The following ZNF469 variants were observed in gnomAD, a reference collection of about 807,000 sequenced individuals.
ZNF469 encodes the protein zinc finger protein 469.
A neutral mutation model predicts 1.0 loss-of-function variants in ZNF469; 1 was observed. The ratio of observed to expected loss-of-function variants is 1.00; its 90% CI spans 0.35 to 4.73. The LOEUF (loss-of-function observed/expected upper bound fraction) is 4.73, where lower values mean the gene tolerates loss of function less well. Among genes scored for constraint, ZNF469 ranks in the 30% most tolerant of loss-of-function variants. The pLI, the probability that ZNF469 is intolerant of heterozygous loss-of-function variation, is 0.16. For synonymous variants in ZNF469, 2,703 were observed against 2,363.4 expected (o/e 1.14, Z -4.17); for missense variants, 6,100 against 5,356.3 (o/e 1.14, Z -4.33).
chr16:88,411,262 G>C (rs1905152388), intron 1 of ZNF469, among the ~76,000 whole-genome samples: 1 of 152,182 alleles, frequency 6.6e-6, no homozygotes, highest in Non-Finnish European at 1.5e-5. Flanking sequence ...CAATGACACA[G>C]AGACGCAGGT....
the ZNF469 span, among the ~76,000 whole-genome samples, chr16:88,275,496 G>C: frequency 1.3e-5 from 2 of 152,176 alleles, no homozygotes; most frequent in African/African-American, 4.8e-5. Context: ...AGCTCCTGCC[G>C]CCACCCACCT....
the ZNF469 span, chr16:88,195,083 A>G: frequency 1.3e-5 from 2 of 152,204 alleles, no homozygotes; most frequent in Middle Eastern, 3.2e-3. Context: ...CGGGAAACGC[A>G]TGTGGGCGAG....
chr16:88,336,359 TTCAC>T, the ZNF469 span, among the ~76,000 whole-genome samples: 2 of 151,394 alleles, frequency 1.3e-5, no homozygotes, highest in Non-Finnish European at 2.9e-5. Context: ...ATGTTCATCC[TTCAC>T]GTGAGACACT....
chr16:88,435,884 C>T lies in ZNF469; in HGVS notation c.8414C>T (p.Thr2805Ile). The T allele has an allele frequency of 6.5e-7, 1 of 1,550,206 alleles. No individual in the cohort carries two copies. The highest frequency in any genetic ancestry group is 8.7e-7 in the Non-Finnish European group (1 of 1,146,968). The change falls in exon 3 of 3, where the codon ACT (threonine) becomes ATT (isoleucine). Residue 2805 changes from threonine to isoleucine, a missense_variant. Transcript: ENST00000565624. ...PPLGPLGFPETSSSPADSTTS... is the reference protein window; with the variant it reads ...PPLGPLGFPEISSSPADSTTS... ...TTGGGCCCCCTGGGTTTTCCCGAGA[C>T]TTCCAGCTCTCCGGCGGACAGCACC...
At chr16:88,144,139 G>T in the ZNF469 span, among the ~76,000 whole-genome samples, 1 of 152,246 alleles carries the variant, frequency 6.6e-6, no homozygotes, top group African/African-American at 2.4e-5. Flanking sequence ...CCGGAGCAGG[G>T]CAGAGGCTTG....
chr16:88,435,835 G>A lies in ZNF469; in HGVS notation c.8365G>A (p.Val2789Ile), dbSNP rs569619739. 7.1e-6 allele frequency: 11 copies of A among 1,550,544 alleles called. No homozygotes were observed. The highest frequency in any genetic ancestry group is 9.6e-6 in the Non-Finnish European group (11 of 1,146,972). The change falls in exon 3 of 3, where the codon GTC becomes ATC. Residue 2789 changes from valine (V) to isoleucine (I), a missense_variant. Transcript: ENST00000565624. ...GGCCCACAGCCGATCAGAGGAAGGT[G>A]TCTGGGAGGAGAACACGCCCCCCTT... is the stretch of plus-strand genomic sequence containing the variant. The part of the protein sequence containing the change: ...SRAHSRSEEG[V>I]WEENTPPLGP...
At chr16:88,311,889 T>C in the ZNF469 span, among the ~76,000 whole-genome samples, 1 of 152,246 alleles carries the variant, frequency 6.6e-6, no homozygotes, top group Non-Finnish European at 1.5e-5. Context: ...GAACACCTGA[T>C]GGTGAAATCT....
chr16:88,415,283 C>T (rs1905274594), intron 1 of ZNF469, among the ~76,000 whole-genome samples: 1 of 152,122 alleles, frequency 6.6e-6, no homozygotes. Flanking sequence ...GGGCCGGGAG[C>T]CTCCACCACA....
the ZNF469 span, among the ~76,000 whole-genome samples, chr16:88,134,460 T>A: frequency 2.7e-3 from 416 of 152,340 alleles, 4 homozygotes; most frequent in African/African-American, 9.6e-3. Flanking sequence ...TGGGTCTAGA[T>A]CATTCCGTGT....
At chr16:88,146,850 G>A in the ZNF469 span, among the ~76,000 whole-genome samples, 7 of 152,068 alleles carry the variant, frequency 4.6e-5, no homozygotes, top group African/African-American at 1.7e-4. Context: ...CGTGACCAAC[G>A]GGTGGACTAA....
the ZNF469 span, among the ~76,000 whole-genome samples, chr16:88,113,633 G>A: frequency 1.3e-5 from 2 of 152,192 alleles, no homozygotes; most frequent in Non-Finnish European, 2.9e-5. Flanking sequence ...TGTGGTGAAG[G>A]CACAAAGGCT....
chr16:88,431,489 C>G lies in ZNF469; in HGVS notation c.4019C>G (p.Pro1340Arg). ...GCTAACCCCTCAAGTACCGCCTGCC[C>G]CAAACCCAGTGTTCTGTCTTCAAAG... ...PVANPSSTAC[P>R]KPSVLSSKIS... is the part of the protein sequence containing the mutation. Residue 1340 changes from proline to arginine, a missense_variant, in exon 3 of 3, where the codon CCC (proline) becomes CGC (arginine). Physicochemically the swap from Pro to Arg is moderately radical, Grantham distance 103 (BLOSUM62 -2). Coordinates refer to ENST00000565624, the MANE Select transcript of ZNF469 (RefSeq NM_001367624.2). 6.4e-7 allele frequency: 1 copy of G among 1,550,434 alleles called. No individual in the cohort carries two copies. The highest frequency in any genetic ancestry group is 2.4e-5 in the East Asian group (1 of 40,926).
At chr16:88,299,754 C>T in the ZNF469 span, among the ~76,000 whole-genome samples, 1,795 of 152,318 alleles carry the variant, frequency 0.012, 35 homozygotes, top group African/African-American at 0.041. Flanking sequence ...AGGGGCCCCA[C>T]TGGCTCTCAT....
chr16:88,181,421 A>G, the ZNF469 span, among the ~76,000 whole-genome samples: 15 of 152,342 alleles, frequency 9.8e-5, no homozygotes, highest in African/African-American at 3.6e-4. Flanking sequence ...AAGATAGACC[A>G]TATTCCAGGC....
At chr16:88,140,224 A>G in the ZNF469 span, among the ~76,000 whole-genome samples, 1 of 152,274 alleles carries the variant, frequency 6.6e-6, no homozygotes, top group African/African-American at 2.4e-5. Context: ...AACTTTGGCT[A>G]TATTAAATGG....
At chr16:88,112,044 T>C in the ZNF469 span, among the ~76,000 whole-genome samples, 1 of 152,248 alleles carries the variant, frequency 6.6e-6, no homozygotes, top group South Asian at 2.1e-4. Context: ...GGCTGAATAG[T>C]ACTACGTTGT....
At chr16:88,356,437 A>G in the ZNF469 span, among the ~76,000 whole-genome samples, 1 of 152,102 alleles carries the variant, frequency 6.6e-6, no homozygotes, top group South Asian at 2.1e-4. Flanking sequence ...AGTATAAACA[A>G]ATGTGTGTGT....
chr16:88,342,148 T>C, the ZNF469 span, among the ~76,000 whole-genome samples: 1 of 151,492 alleles, frequency 6.6e-6, no homozygotes, highest in Non-Finnish European at 1.5e-5. Flanking sequence ...GCGACAGGGG[T>C]CTCCAGCCCT....
chr16:88,106,206 C>G, the ZNF469 span, among the ~76,000 whole-genome samples: 43 of 152,214 alleles, frequency 2.8e-4, no homozygotes, highest in Admixed American at 1.9e-3. Context: ...TCCACCCGCG[C>G]CCCCACACCC....
Sources: gnomAD v4.1 joint callset for allele counts (sites outside exome capture counted in the v4.1 genomes callset) on GRCh38, gnomAD v4.1.1 for gene constraint, MANE v1.5 for transcripts, NCBI Gene and HGNC (gene_info 2026-07-23, HGNC 2026-07-21) for gene names.